Variants in TRABD2B observed in about 807,000 individuals in gnomAD.
The protein encoded by TRABD2B is TraB domain containing 2B.
In TRABD2B, 14 loss-of-function variants were observed where a neutral mutation model predicts 40.1. The ratio of observed to expected loss-of-function variants is 0.35; its 90% CI spans 0.23 to 0.55. The LOEUF (loss-of-function observed/expected upper bound fraction) is 0.55, where lower values mean the gene tolerates loss of function less well. Among genes scored for constraint, TRABD2B ranks in the 20% least tolerant of loss-of-function variants. The probability of loss-of-function intolerance (pLI) is 0.90; values close to 1 mark genes in which losing one functional copy is unlikely to be tolerated. For synonymous variants in TRABD2B, 263 were observed against 277.0 expected, an observed-to-expected ratio of 0.95 and a Z score of 0.50; for missense variants, 541 against 648.6, an observed-to-expected ratio of 0.83 and a Z score of 1.80.
rs557748756 is a variant in TRABD2B, at chr1:47,801,764, G to A, written c.667-145C>T. 15 of 1,041,104 alleles carry A rather than the reference G, an allele frequency of 1.4e-5. No homozygotes were observed. The South Asian group carries it at 1.8e-4, about 12-fold the overall frequency. 64.5% of individuals were successfully genotyped at this position (1,041,104 alleles called of 1,614,324 possible). ...GGGCTGGCACCAGCTGGCTCAGGCT[G>A]TGTGTTTCCAGTTTCTGCTCCTGCC... On this transcript the variant is annotated intron_variant, in intron 2 of 6. Coordinates refer to ENST00000606738, the MANE Select transcript of TRABD2B (RefSeq NM_001194986.2).
chr1:47,914,283 G>A (rs1238983990), intron 2 of TRABD2B, among the ~76,000 whole-genome samples: 3 of 152,222 alleles, frequency 2.0e-5, no homozygotes, highest in Non-Finnish European at 4.4e-5. Flanking sequence ...CAAGCATTGC[G>A]CAGACACAAG....
chr1:47,966,581 A>C (rs1003318081), intron 2 of TRABD2B, among the ~76,000 whole-genome samples: 3 of 152,160 alleles, frequency 2.0e-5, no homozygotes, highest in African/African-American at 4.8e-5. Flanking sequence ...TGGCTAACAC[A>C]GCTTTGCCAA....
At chr1:47,901,643 A>G (rs1016217587) in intron 2 of TRABD2B, among the ~76,000 whole-genome samples, 1 of 152,250 alleles carries the variant, frequency 6.6e-6, no homozygotes, top group Non-Finnish European at 1.5e-5. Flanking sequence ...GTCTAATGGA[A>G]GCAACAGGTA....
rs1207410126 is a variant in TRABD2B, at chr1:47,760,811, T to C, written c.*5091A>G. On this transcript the variant is annotated 3_prime_UTR_variant, in exon 7 of 7. Coordinates refer to ENST00000606738, the MANE Select transcript of TRABD2B (RefSeq NM_001194986.2). ...GCTTCCTCTGTTCTGGGCTAGAGCC[T>C]CCTTTGGCTGAATCAGCCCCTGCCC... The C allele has an allele frequency of 6.6e-6, 1 of 152,174 alleles. No individual in the cohort carries two copies. Among genetic ancestry groups the C allele is most frequent in the African/African-American group, 2.4e-5 (1 of 41,438 alleles). The allele number at this position is 152,174 out of a possible 1,614,324, so 9.4% of individuals were successfully genotyped here. A position where few individuals can be genotyped will look rare whatever the true frequency, so the allele number is the denominator to read the frequency against.
intron 2 of TRABD2B, among the ~76,000 whole-genome samples, chr1:47,803,297 T>A (rs1296695472): frequency 6.6e-6 from 1 of 152,248 alleles, no homozygotes; most frequent in Admixed American, 6.5e-5. Context: ...CTTTCCAGTC[T>A]GACCCTGGAC....
intron 2 of TRABD2B, among the ~76,000 whole-genome samples, chr1:47,986,465 CAGAAG>C (rs1302762585): frequency 6.6e-5 from 10 of 152,214 alleles, no homozygotes; most frequent in East Asian, 3.9e-4. Context: ...AGGTTTGAAT[CAGAAG>C]AGAAAAGACT....
rs896818674 is a variant in TRABD2B at position 47,857,803 on chromosome 1, G to T, written c.667-56184C>A. On this transcript the variant is annotated intron_variant, in intron 2 of 6. Transcript: ENST00000606738. ...TCTCTTAGCATCATTTTGACACACA[G>T]TAAGTCCTCATTGAGGAGTAACTGC... Among the ~76,000 whole-genome samples, 5 of 152,086 alleles carry T rather than the reference G, an allele frequency of 3.3e-5. No homozygotes were observed. The East Asian group carries it at 9.7e-4, about 29-fold the overall frequency.
intron 2 of TRABD2B, among the ~76,000 whole-genome samples, chr1:47,869,978 C>T (rs989218481): frequency 6.6e-6 from 1 of 152,176 alleles, no homozygotes; most frequent in Non-Finnish European, 1.5e-5. Flanking sequence ...AGTCAGGATC[C>T]AATCAGGGAA....
intron 5 of TRABD2B, among the ~76,000 whole-genome samples, chr1:47,776,465 G>A (rs1032513850): frequency 2.6e-5 from 4 of 152,260 alleles, no homozygotes; most frequent in Admixed American, 6.5e-5. Flanking sequence ...TCTCTTGGAT[G>A]TTGGCCGACA....
At chr1:47,878,325 A>T (rs902901601) in intron 2 of TRABD2B, among the ~76,000 whole-genome samples, 1 of 152,132 alleles carries the variant, frequency 6.6e-6, no homozygotes, top group East Asian at 1.9e-4. Context: ...TGCACCCCCC[A>T]AAAAAAGAAC....
At chr1:47,816,787 C>T (rs191686052) in intron 2 of TRABD2B, among the ~76,000 whole-genome samples, 1 of 152,282 alleles carries the variant, frequency 6.6e-6, no homozygotes, top group East Asian at 1.9e-4. Context: ...AAGTTTGTCA[C>T]AAGTATTTCA....
rs550594081 is a variant in TRABD2B, at chr1:47,996,659, G to A, written c.102+29C>T. 562 of 1,228,498 alleles carry A rather than the reference G, an allele frequency of 4.6e-4. 5 individuals carry two copies. The African/African-American group carries it at 8.2e-3, about 18-fold the overall frequency. 76.1% of individuals were successfully genotyped at this position (1,228,498 alleles called of 1,614,324 possible). A position where few individuals can be genotyped will look rare whatever the true frequency, so the allele number is the denominator to read the frequency against. On this transcript the variant is annotated intron_variant, in intron 1 of 6. Transcript: ENST00000606738. This position sits in a 1 kb window ranked among gnomAD's most constrained non-coding sequence, Gnocchi z 4.6. The stretch of plus-strand genomic sequence containing the variant: ...CGGGACTAGAATACCCAGGCAGGCG[G>A]GAGAGTGGCCGGGCAGGCGCTCGCT...
intron 2 of TRABD2B, among the ~76,000 whole-genome samples, chr1:47,852,900 T>C (rs1240768350): frequency 2.0e-5 from 3 of 152,148 alleles, no homozygotes; most frequent in Admixed American, 2.0e-4. Flanking sequence ...AACAGGGCGA[T>C]GGTGACTAAT....
intron 2 of TRABD2B, among the ~76,000 whole-genome samples, chr1:47,959,642 C>G (rs1056375782): frequency 6.6e-6 from 1 of 152,148 alleles, no homozygotes; most frequent in Non-Finnish European, 1.5e-5. Flanking sequence ...GACACATACA[C>G]CCTCCCAAGA....
chr1:47,857,268 C>T (rs1643901750), intron 2 of TRABD2B, among the ~76,000 whole-genome samples: 1 of 152,214 alleles, frequency 6.6e-6, no homozygotes, highest in Non-Finnish European at 1.5e-5. Context: ...CCCTAGTATC[C>T]TGGACCCTCC....
intron 2 of TRABD2B, among the ~76,000 whole-genome samples, chr1:47,900,535 C>CA (rs1045677993): frequency 6.6e-6 from 1 of 152,154 alleles, no homozygotes; most frequent in Non-Finnish European, 1.5e-5. Context: ...AAAGTGGGAG[C>CA]ACCTAAAAGT....
chr1:47,970,737 T>C (rs1278957827), intron 2 of TRABD2B, among the ~76,000 whole-genome samples: 3 of 152,166 alleles, frequency 2.0e-5, no homozygotes, highest in African/African-American at 4.8e-5. Flanking sequence ...TCATTGTGGG[T>C]TGGACTCAGG....
chr1:47,771,718 C>T (rs1409635140), intron 6 of TRABD2B, among the ~76,000 whole-genome samples: 1 of 152,230 alleles, frequency 6.6e-6, no homozygotes, highest in Non-Finnish European at 1.5e-5. Context: ...GGGGGTTCCC[C>T]AAGAATATTC....
chr1:47,794,185 G>A (rs1416791222), intron 4 of TRABD2B, among the ~76,000 whole-genome samples: 1 of 152,200 alleles, frequency 6.6e-6, no homozygotes, highest in Non-Finnish European at 1.5e-5. Flanking sequence ...TCTAGAGCCA[G>A]GACTGTGGGA....
Sources: gnomAD v4.1 joint callset for allele counts (sites outside exome capture counted in the v4.1 genomes callset) on GRCh38, gnomAD v4.1.1 for gene constraint, Gnocchi (gnomAD v3.1) non-coding constraint, MANE v1.5 for transcripts, NCBI Gene and HGNC (gene_info 2026-07-23, HGNC 2026-07-21) for gene names.